Variants in UNC50 observed in about 807,000 individuals in gnomAD.
The protein encoded by UNC50 is protein unc-50 homolog.
UNC50 carries 24 observed loss-of-function variants against 31.5 expected under a neutral mutation model. The ratio of observed to expected loss-of-function variants is 0.76; its 90% CI spans 0.55 to 1.07. UNC50 has a LOEUF of 1.07. Among genes scored for constraint, UNC50 ranks in the 50% least tolerant of loss-of-function variants. The probability of loss-of-function intolerance (pLI) is 0.00; values close to 1 mark genes in which losing one functional copy is unlikely to be tolerated. For missense variants in UNC50, 245 were observed against 304.2 expected (o/e 0.81, Z 1.45); for synonymous variants, 118 against 114.7 (o/e 1.03, Z -0.18).
intron 1 of UNC50, 61 bp from the exon 2 acceptor site, chr2:98,609,695 G>C (rs937021126): frequency 6.2e-7 from 1 of 1,608,066 alleles, no homozygotes; most frequent in Middle Eastern, 1.7e-4. Context: ...CAGAAGAGGA[G>C]TGTCGGTAGC....
At chr2:98,616,563 G>A in intron 5 of UNC50, 30 bp downstream of exon 5, 1 of 1,571,196 alleles carries the variant, frequency 6.4e-7, no homozygotes, top group Non-Finnish European at 8.7e-7. Flanking sequence ...GTTTTTGGTT[G>A]AGAACATAGC....
intron 5 of UNC50, 111 bp downstream of exon 5, chr2:98,616,644 T>C: frequency 3.9e-6 from 3 of 765,832 alleles, no homozygotes; most frequent in Non-Finnish European, 6.4e-6. Context: ...CTATCCTAAG[T>C]ATTTTATGTG....
intron 1 of UNC50, 191 bp downstream of exon 1, chr2:98,608,917 AAG>A (rs1289883975): frequency 2.6e-5 from 6 of 233,426 alleles, no homozygotes; most frequent in Non-Finnish European, 1.7e-5. Flanking sequence ...TAGATAAAGA[AAG>A]AGCATTTAGT....
intron 3 of UNC50, among the ~76,000 whole-genome samples, chr2:98,612,880 C>G (rs1399821336): frequency 6.6e-6 from 1 of 152,166 alleles, no homozygotes; most frequent in Non-Finnish European, 1.5e-5. Context: ...CACTATGGCT[C>G]TAAAAAACAA....
chr2:98,610,662 GT>G, intron 2 of UNC50, 112 bp from the exon 3 acceptor site: 6 of 1,367,330 alleles, frequency 4.4e-6, no homozygotes, highest in Non-Finnish European at 6.0e-6. Flanking sequence ...TGGGAGTTTT[GT>G]TTAAAGACCT....
chr2:98,618,052 A>AAAT, intron 5 of UNC50, 116 bp from the exon 6 acceptor site: 1 of 1,117,628 alleles, frequency 8.9e-7, no homozygotes, highest in African/African-American at 1.6e-5. Flanking sequence ...TACTGATTCA[A>AAAT]AATATGCATT....
intron 3 of UNC50, among the ~76,000 whole-genome samples, chr2:98,614,042 A>T (rs1354017786): frequency 6.6e-6 from 1 of 152,228 alleles, no homozygotes; most frequent in Non-Finnish European, 1.5e-5. Flanking sequence ...CCTTCATGCC[A>T]TTCAGGAAAA....
Position 98,609,957 on chromosome 2 carries a change from T to C in UNC50, c.198T>C (p.Asn66=). 6.2e-7 allele frequency: 1 copy of C among 1,614,190 alleles called. No individual in the cohort carries two copies. Among genetic ancestry groups the C allele is most frequent in the Non-Finnish European group, 8.5e-7 (1 of 1,180,036 alleles). Residue 66 remains asparagine, a synonymous_variant, in exon 2 of 6, where the codon AAT becomes AAC. Transcript: ENST00000357765. ...LFTSPQRVYR[N]FHYRKQTKDQ... ...CATCCCCACAGAGAGTTTACAGAAATTTTCATTATCGAAAACAGACGAAGG... is the reference window on the plus strand; with the variant it reads ...CATCCCCACAGAGAGTTTACAGAAACTTTCATTATCGAAAACAGACGAAGG...
At position 98,608,657 on chromosome 2, in the gene UNC50, C is replaced by T. The variant is rs1224466220; in HGVS notation, c.-74C>T. The T allele has an allele frequency of 7.3e-6, 4 of 546,278 alleles. No homozygotes were observed. Among genetic ancestry groups the T allele is most frequent in the East Asian group, 3.2e-5 (1 of 31,204 alleles). The allele number at this position is 546,278 out of a possible 1,614,324, so 33.8% of individuals were successfully genotyped here. A position where few individuals can be genotyped will look rare whatever the true frequency, so the allele number is the denominator to read the frequency against. On this transcript the variant is annotated 5_prime_UTR_variant, in exon 1 of 6. Transcript: ENST00000357765. Reference sequence around the variant, plus strand: ...GGAAGGGAAGCCCGCCCGGTGGCGGCTGGGGTCGGCTGCTGGGAGGAGGTG... The same window carrying T: ...GGAAGGGAAGCCCGCCCGGTGGCGGTTGGGGTCGGCTGCTGGGAGGAGGTG...
In UNC50 at chr2:98,610,014, G is replaced by T; in HGVS notation, c.255G>T (p.Leu85Phe). 6.2e-7 allele frequency: 1 copy of T among 1,613,832 alleles called. No individual in the cohort carries two copies. Among genetic ancestry groups the T allele is most frequent in the Non-Finnish European group, 8.5e-7 (1 of 1,179,732 alleles). ...GGGCCAGAGATGACCCTGCTTTCTT[G>T]GTCCTGTTAAGTATCTGGCTCTGTG... ...DQWARDDPAF[L>F]VLLSIWLCVS... Residue 85 changes from leucine (L) to phenylalanine (F), a missense_variant, in exon 2 of 6, where the codon TTG becomes TTT. Leu to Phe is a conservative substitution (Grantham distance 22, BLOSUM62 0). Transcript: ENST00000357765.
Position 98,618,442 on chromosome 2 carries a change from T to TAAC in UNC50, c.*140_*142dup. ...TTTGCAAATTTGAAGAAATATATAT[T>TAAC]AACACTGTGGTCAGGTACATTCCTT... On this transcript the variant is annotated 3_prime_UTR_variant, in exon 6 of 6. Coordinates refer to ENST00000357765, the MANE Select transcript of UNC50 (RefSeq NM_014044.7). 1.3e-6 allele frequency: 1 copy of TAAC among 787,668 alleles called. No homozygotes were observed. Among genetic ancestry groups the TAAC allele is most frequent in the Non-Finnish European group, 1.8e-6 (1 of 553,496 alleles). The allele number at this position is 787,668 out of a possible 1,614,324, so 48.8% of individuals were successfully genotyped here.
chr2:98,609,087 G>T (rs970040618), intron 1 of UNC50: 1 of 155,032 alleles, frequency 6.5e-6, no homozygotes, highest in Non-Finnish European at 1.4e-5. Flanking sequence ...GCTGGGCTCG[G>T]CCAGACCCTG....
chr2:98,616,170 C>A, intron 3 of UNC50, 37 bp from the exon 4 acceptor site: 1 of 1,588,562 alleles, frequency 6.3e-7, no homozygotes. Context: ...TTACAGAATT[C>A]ATTTTATTAT....
intron 3 of UNC50, among the ~76,000 whole-genome samples, chr2:98,613,936 C>G (rs1452204782): frequency 6.6e-6 from 1 of 152,134 alleles, no homozygotes; most frequent in Non-Finnish European, 1.5e-5. Flanking sequence ...CTGGGAATTG[C>G]AAGTGCAATG....
chr2:98,616,163 C>T (rs1392543089), intron 3 of UNC50, 44 bp from the exon 4 acceptor site: 3 of 1,582,318 alleles, frequency 1.9e-6, no homozygotes. Flanking sequence ...TAAACATTTA[C>T]AGAATTCATT....
chr2:98,612,454 G>A (rs1243948682), intron 3 of UNC50, among the ~76,000 whole-genome samples: 2 of 151,302 alleles, frequency 1.3e-5, no homozygotes, highest in Non-Finnish European at 2.9e-5. Flanking sequence ...CTGTCACCCA[G>A]GCTGGAGTGC....
At position 98,610,005 on chromosome 2, in the gene UNC50, T is replaced by A; in HGVS notation, c.246T>A (p.Pro82=). 6.2e-7 allele frequency: 1 copy of A among 1,614,214 alleles called. No homozygotes were observed. The highest frequency in any genetic ancestry group is 8.5e-7 in the Non-Finnish European group (1 of 1,179,998). ...AGGACCAGTGGGCCAGAGATGACCC[T>A]GCTTTCTTGGTCCTGTTAAGTATCT... ...QTKDQWARDD[P]AFLVLLSIWL... The change falls in exon 2 of 6, where the codon CCT becomes CCA. Residue 82 remains proline, a synonymous_variant. Coordinates refer to ENST00000357765, the MANE Select transcript of UNC50 (RefSeq NM_014044.7).
chr2:98,614,847 T>G (rs1194183384), intron 3 of UNC50, among the ~76,000 whole-genome samples: 3 of 152,200 alleles, frequency 2.0e-5, no homozygotes, highest in African/African-American at 7.2e-5. Context: ...GCAGGGACTG[T>G]TAACATTAGT....
At chr2:98,616,070 G>A (rs1700914592) in intron 3 of UNC50, 137 bp from the exon 4 acceptor site, 2 of 757,790 alleles carry the variant, frequency 2.6e-6, no homozygotes, top group African/African-American at 1.8e-5. Flanking sequence ...TTCCTTCCTA[G>A]ATGGAAGGCA....
Sources: gnomAD v4.1 joint callset for allele counts (sites outside exome capture counted in the v4.1 genomes callset) on GRCh38, gnomAD v4.1.1 for gene constraint, MANE v1.5 for transcripts, NCBI Gene and HGNC (gene_info 2026-07-23, HGNC 2026-07-21) for gene names.